The following MIDEAS variants were observed in gnomAD, a reference collection of about 807,000 sequenced individuals.
MIDEAS encodes the protein mitotic deacetylase-associated SANT domain protein.
A neutral mutation model predicts 102.7 loss-of-function variants in MIDEAS; 26 were observed. That is an observed-to-expected ratio of 0.25 (90% CI 0.19 to 0.35). The LOEUF (loss-of-function observed/expected upper bound fraction) is 0.35, where lower values mean the gene tolerates loss of function less well. Among genes scored for constraint, MIDEAS ranks in the 10% least tolerant of loss-of-function variants. The probability of loss-of-function intolerance (pLI) is 1.00; values close to 1 mark genes in which losing one functional copy is unlikely to be tolerated. For missense variants in MIDEAS, 1,231 were observed against 1,435.6 expected (o/e 0.86, Z 2.30); for synonymous variants, 585 against 591.0 (o/e 0.99, Z 0.15).
Position 73,772,985 on chromosome 14 carries a change from C to T in MIDEAS, c.-248+14117G>A, listed in dbSNP as rs1252893193. Among the ~76,000 whole-genome samples, 16 of 152,076 alleles carry T rather than the reference C, an allele frequency of 1.1e-4. No homozygotes were observed. The East Asian group carries it at 1.4e-3, about 13-fold the overall frequency. On this transcript the variant is annotated intron_variant, in intron 1 of 11. Transcript: ENST00000394071. ...TCCCGAGTAGCTAGGGTTACAGGCG[C>T]GCACCACCACACCCAGCTAATTTTG... is the stretch of plus-strand genomic sequence containing the variant.
At chr14:73,776,179 C>T (rs1316833349) in intron 1 of MIDEAS, among the ~76,000 whole-genome samples, 9 of 151,936 alleles carry the variant, frequency 5.9e-5, no homozygotes, top group South Asian at 2.1e-4. Context: ...CCTCTGTCCT[C>T]GAAAGGCAGC....
At chr14:73,743,413 A>T (rs1192951072) in intron 1 of MIDEAS, among the ~76,000 whole-genome samples, 2 of 151,918 alleles carry the variant, frequency 1.3e-5, no homozygotes, top group Admixed American at 1.3e-4. Flanking sequence ...GGCCTGAAAC[A>T]CTTCCTCCTG....
chr14:73,741,567 G>A (rs751996470), intron 1 of MIDEAS, among the ~76,000 whole-genome samples: 3 of 152,088 alleles, frequency 2.0e-5, no homozygotes, highest in South Asian at 2.1e-4. Context: ...AGGGCTGGGC[G>A]GGCACAGGGT....
intron 3 of MIDEAS, among the ~76,000 whole-genome samples, chr14:73,730,872 C>T (rs1262024722): frequency 2.6e-5 from 4 of 152,136 alleles, no homozygotes; most frequent in African/African-American, 9.7e-5. Flanking sequence ...GCATGAGAAT[C>T]ACTTGAACCC....
intron 1 of MIDEAS, among the ~76,000 whole-genome samples, chr14:73,754,291 G>A (rs892267960): frequency 6.6e-6 from 1 of 152,200 alleles, no homozygotes; most frequent in Non-Finnish European, 1.5e-5. Flanking sequence ...ACTGTCCCCC[G>A]TTGTGTGCTG....
intron 1 of MIDEAS, among the ~76,000 whole-genome samples, chr14:73,773,881 G>C (rs2053664993): frequency 6.6e-6 from 1 of 151,708 alleles, no homozygotes; most frequent in Non-Finnish European, 1.5e-5. Context: ...AATGAGCTGG[G>C]CATGGTGGTG....
At chr14:73,733,606 CA>C (rs2053165692) in intron 3 of MIDEAS, among the ~76,000 whole-genome samples, 1 of 151,998 alleles carries the variant, frequency 6.6e-6, no homozygotes, top group Non-Finnish European at 1.5e-5. Flanking sequence ...TGCCCCCGCC[CA>C]AAAAACCCAG....
intron 1 of MIDEAS, among the ~76,000 whole-genome samples, chr14:73,774,187 C>T (rs573309490): frequency 6.6e-6 from 1 of 151,744 alleles, no homozygotes; most frequent in African/African-American, 2.4e-5. Flanking sequence ...ATAAAGACAC[C>T]GCCTGCCAGG....
chr14:73,743,045 G>A (rs1359853880), intron 1 of MIDEAS, among the ~76,000 whole-genome samples: 3 of 152,022 alleles, frequency 2.0e-5, no homozygotes, highest in African/African-American at 4.8e-5. Flanking sequence ...AGTTGCCTAC[G>A]GTCACACAGT....
Position 73,729,511 on chromosome 14 carries a change from G to C in MIDEAS, c.2095+129C>G, listed in dbSNP as rs1274393784. 1.5e-5 allele frequency: 11 copies of C among 756,284 alleles called. No homozygotes were observed. In the Admixed American group the frequency reaches 3.3e-4, roughly 23 times the overall value. The allele number at this position is 756,284 out of a possible 1,614,324, so 46.8% of individuals were successfully genotyped here. A position where few individuals can be genotyped will look rare whatever the true frequency, so the allele number is the denominator to read the frequency against. On this transcript the variant is annotated intron_variant, in intron 4 of 12. Coordinates refer to ENST00000423556, the MANE Select transcript of MIDEAS (RefSeq NM_001367710.1). Reference sequence around the variant, plus strand: ...GGACAACCTCCTTCTCAATCTCAGAGAAGACAGAGCAGAGCTCCTTCTCCC... The same window carrying C: ...GGACAACCTCCTTCTCAATCTCAGACAAGACAGAGCAGAGCTCCTTCTCCC...
chr14:73,718,791 G>A lies in MIDEAS; in HGVS notation c.*52C>T, dbSNP rs2052935636. 3.7e-6 allele frequency: 5 copies of A among 1,340,298 alleles called. No individual in the cohort carries two copies. Among genetic ancestry groups the A allele is most frequent in the Non-Finnish European group, 4.8e-6 (5 of 1,049,984 alleles). 83.0% of individuals were successfully genotyped at this position (1,340,298 alleles called of 1,614,324 possible). A position where few individuals can be genotyped will look rare whatever the true frequency, so the allele number is the denominator to read the frequency against. ...TGCCAGGGTGTCTGCGGGCGCTGGC[G>A]GCGGTGCGGGAAGGGCCGAGGCCCA... On this transcript the variant is annotated 3_prime_UTR_variant, in exon 13 of 13. Coordinates refer to ENST00000423556, the MANE Select transcript of MIDEAS (RefSeq NM_001367710.1).
chr14:73,749,566 A>G (rs945695264), intron 1 of MIDEAS, among the ~76,000 whole-genome samples: 2 of 147,730 alleles, frequency 1.4e-5, no homozygotes, highest in Admixed American at 1.4e-4. Context: ...ACTTTTTTAT[A>G]TATTATATAA....
At chr14:73,775,437 G>A (rs1398940341) in intron 1 of MIDEAS, among the ~76,000 whole-genome samples, 1 of 151,964 alleles carries the variant, frequency 6.6e-6, no homozygotes. Flanking sequence ...ACAAAAGTAG[G>A]CAAGTTCAGT....
rs551087249 is a variant in MIDEAS at position 73,786,903 on chromosome 14, A to G, written c.-248+199T>C. Among the ~76,000 whole-genome samples the G allele has an allele frequency of 9.4e-4, 143 of 151,872 alleles. 1 individual carries two copies. Among genetic ancestry groups the G allele is most frequent in the African/African-American group, 3.2e-3 (134 of 41,432 alleles). On this transcript the variant is annotated intron_variant, in intron 1 of 11. Coordinates refer to the MIDEAS transcript ENST00000394071. ...CTTGCTGTTTGAAGTCCCGCGGCAA[A>G]GCGGCGACAACACCGGCGCAGCCCG...
intron 1 of MIDEAS, among the ~76,000 whole-genome samples, chr14:73,775,849 A>C (rs952992373): frequency 2.6e-5 from 4 of 151,922 alleles, no homozygotes; most frequent in African/African-American, 9.7e-5. Context: ...TGGATGAGGA[A>C]ACTGGGCAGG....
chr14:73,772,746 T>C (rs1375216459), intron 1 of MIDEAS, among the ~76,000 whole-genome samples: 1 of 151,898 alleles, frequency 6.6e-6, no homozygotes, highest in Non-Finnish European at 1.5e-5. Flanking sequence ...TCAAGAGCAA[T>C]ACTAATAGAT....
In MIDEAS at chr14:73,729,710, T is replaced by C; in HGVS notation, c.2025A>G (p.Ile675Met). ...GAGGGGCAGGGATGGTGCTGGTTGA[T>C]ATGATGGCATTGAAGTAGAGGCCAG... ...EGSGLYFNAI[I>M]STSTIPAPPP... Residue 675 changes from isoleucine (I) to methionine (M), a missense_variant, in exon 4 of 13, where the codon ATA becomes ATG. Ile to Met is a conservative substitution (Grantham distance 10, BLOSUM62 1). Transcript: ENST00000423556. 1 of 1,613,952 alleles carries C rather than the reference T, an allele frequency of 6.2e-7. No individual in the cohort carries two copies. Among genetic ancestry groups the C allele is most frequent in the South Asian group, 1.1e-5 (1 of 91,080 alleles).
intron 3 of MIDEAS, chr14:73,730,234 T>C: frequency 1.5e-6 from 1 of 667,248 alleles, no homozygotes; most frequent in South Asian, 1.6e-5. Flanking sequence ...ATGTGATCTC[T>C]GTTACATATT....
At chr14:73,765,496 G>T (rs1228207179) in intron 1 of MIDEAS, among the ~76,000 whole-genome samples, 1 of 152,068 alleles carries the variant, frequency 6.6e-6, no homozygotes, top group African/African-American at 2.4e-5. Flanking sequence ...CCTTGCTTCT[G>T]GTTTTGCACA....
Sources: gnomAD v4.1 joint callset for allele counts (sites outside exome capture counted in the v4.1 genomes callset) on GRCh38, gnomAD v4.1.1 for gene constraint, MANE v1.5 for transcripts, NCBI Gene and HGNC (gene_info 2026-07-23, HGNC 2026-07-21) for gene names.